MANBAL: variants seen among roughly 807,000 people sequenced by gnomAD.
The protein encoded by MANBAL is mannosidase beta like, also known as protein MANBAL.
In MANBAL, 1 loss-of-function variant was observed where a neutral mutation model predicts 6.4. That is an observed-to-expected ratio of 0.16 (90% confidence interval 0.06 to 0.74). The LOEUF is 0.74. Ranked by LOEUF, MANBAL falls within the 30% of genes least tolerant of loss-of-function variation. MANBAL has a pLI of 0.78. For missense variants in MANBAL, 100 were observed against 107.8 expected (o/e 0.93, Z 0.32); for synonymous variants, 47 against 45.8 (o/e 1.03, Z -0.10).
chr20:37,296,927 C>T (rs185565575), intron 1 of MANBAL: 28 of 152,332 alleles, frequency 1.8e-4, no homozygotes, highest in African/African-American at 6.7e-4. Flanking sequence ...CTTGCCCTAT[C>T]TTTCTATTGT....
intron 1 of MANBAL, among the ~76,000 whole-genome samples, chr20:37,293,126 G>T (rs565261274): frequency 6.6e-6 from 1 of 152,356 alleles, no homozygotes; most frequent in Non-Finnish European, 1.5e-5. Flanking sequence ...TTTCATGGAA[G>T]ACAATTTTTC....
chr20:37,304,434 G>A (rs1159499508), intron 2 of MANBAL, among the ~76,000 whole-genome samples: 1 of 152,058 alleles, frequency 6.6e-6, no homozygotes, highest in East Asian at 1.9e-4. Context: ...ATAGTTAACA[G>A]TTGTTATTAG....
chr20:37,311,904 G>T (rs1223575542), intron 2 of MANBAL, among the ~76,000 whole-genome samples: 1 of 152,228 alleles, frequency 6.6e-6, no homozygotes, highest in Non-Finnish European at 1.5e-5. Flanking sequence ...AACCAGTGGG[G>T]CCGGCAGGGG....
At chr20:37,307,999 C>A (rs932719435) in intron 2 of MANBAL, among the ~76,000 whole-genome samples, 14 of 152,194 alleles carry the variant, frequency 9.2e-5, no homozygotes, top group Non-Finnish European at 1.5e-5. Flanking sequence ...CTTACTGCTC[C>A]TCACTGGCAT....
chr20:37,310,841 C>T (rs533565316), intron 2 of MANBAL, among the ~76,000 whole-genome samples: 1 of 152,332 alleles, frequency 6.6e-6, no homozygotes, highest in South Asian at 2.1e-4. Flanking sequence ...AGGCGCAGTG[C>T]TCCCAGATTT....
intron 2 of MANBAL, among the ~76,000 whole-genome samples, chr20:37,307,684 G>T (rs2069288016): frequency 6.6e-6 from 1 of 151,844 alleles, no homozygotes; most frequent in African/African-American, 2.4e-5. Context: ...TTGAACCCGG[G>T]AGATGGAGGT....
At chr20:37,311,644 C>A (rs916756344) in intron 2 of MANBAL, among the ~76,000 whole-genome samples, 1 of 152,124 alleles carries the variant, frequency 6.6e-6, no homozygotes, top group African/African-American at 2.4e-5. Flanking sequence ...TGCACCACCA[C>A]GCCTGGCTAA....
intron 2 of MANBAL, among the ~76,000 whole-genome samples, chr20:37,303,412 G>A (rs915327528): frequency 6.6e-6 from 1 of 152,198 alleles, no homozygotes; most frequent in Non-Finnish European, 1.5e-5. Flanking sequence ...AAATGAAAAA[G>A]TTGTGAGTTC....
chr20:37,302,504 T>C (rs920435891), intron 2 of MANBAL, among the ~76,000 whole-genome samples: 4 of 152,348 alleles, frequency 2.6e-5, no homozygotes, highest in Non-Finnish European at 4.4e-5. Context: ...TTAGCATCCA[T>C]TGATGGTCGT....
At chr20:37,312,914 C>T (rs1228987523) in intron 2 of MANBAL, among the ~76,000 whole-genome samples, 1 of 152,182 alleles carries the variant, frequency 6.6e-6, no homozygotes, top group African/African-American at 2.4e-5. Context: ...AAAGTGAGGC[C>T]TGGTTTTAAG....
At chr20:37,301,628 C>T (rs928365590) in intron 2 of MANBAL, among the ~76,000 whole-genome samples, 4 of 152,226 alleles carry the variant, frequency 2.6e-5, no homozygotes, top group Non-Finnish European at 5.9e-5. Context: ...GTGCCTACTA[C>T]ATTTCAGACT....
chr20:37,298,928 G>C, intron 1 of MANBAL: 1 of 151,922 alleles, frequency 6.6e-6, no homozygotes, highest in East Asian at 1.9e-4. Context: ...ATAGCAACAG[G>C]GTCCCACTCT....
chr20:37,299,547 T>C (rs2069083333), intron 1 of MANBAL, among the ~76,000 whole-genome samples: 1 of 152,246 alleles, frequency 6.6e-6, no homozygotes, highest in African/African-American at 2.4e-5. Context: ...TAGCTCAGAC[T>C]TAGCAAAATA....
chr20:37,305,106 GAGA>G (rs1384000628), intron 2 of MANBAL, among the ~76,000 whole-genome samples: 15 of 152,208 alleles, frequency 9.9e-5, no homozygotes, highest in Admixed American at 9.8e-4. Context: ...CTGGTATCTT[GAGA>G]AGGAGATCAC....
intron 1 of MANBAL, among the ~76,000 whole-genome samples, chr20:37,291,989 A>C (rs927630400): frequency 1.3e-5 from 2 of 152,232 alleles, no homozygotes; most frequent in African/African-American, 4.8e-5. Flanking sequence ...GTAAAGTGCT[A>C]TTCTCATCAC....
intron 1 of MANBAL, among the ~76,000 whole-genome samples, chr20:37,291,429 CT>C: frequency 6.6e-6 from 1 of 152,330 alleles, no homozygotes; most frequent in East Asian, 1.9e-4. Flanking sequence ...CATCATATCT[CT>C]TTAGGCTCAT....
chr20:37,313,066 A>C (rs2069423391), intron 2 of MANBAL, among the ~76,000 whole-genome samples: 1 of 152,216 alleles, frequency 6.6e-6, no homozygotes, highest in Non-Finnish European at 1.5e-5. Context: ...TCATGGGCTA[A>C]TAGGGGAGAC....
intron 2 of MANBAL, among the ~76,000 whole-genome samples, chr20:37,304,261 T>G (rs1273604173): frequency 6.6e-6 from 1 of 152,206 alleles, no homozygotes; most frequent in African/African-American, 2.4e-5. Flanking sequence ...TTCAATCTGT[T>G]TTTAATTTTT....
chr20:37,301,783 C>A (rs1380105137), intron 2 of MANBAL, among the ~76,000 whole-genome samples: 3 of 152,216 alleles, frequency 2.0e-5, no homozygotes, highest in Non-Finnish European at 4.4e-5. Context: ...CCTGATCTTA[C>A]CCTGGGCTGT....
Sources: gnomAD v4.1 joint callset for allele counts (sites outside exome capture counted in the v4.1 genomes callset) on GRCh38, gnomAD v4.1.1 for gene constraint, MANE v1.5 for transcripts, NCBI Gene and HGNC (gene_info 2026-07-23, HGNC 2026-07-21) for gene names.